Variants in PATJ observed in about 807,000 individuals in gnomAD.
PATJ encodes the protein PATJ crumbs cell polarity complex component.
A neutral mutation model predicts 224.9 loss-of-function variants in PATJ; 190 were observed. That is an observed-to-expected ratio of 0.84 (90% CI 0.75 to 0.95). The LOEUF (loss-of-function observed/expected upper bound fraction) is 0.95. Among genes scored for constraint, PATJ ranks in the 40% least tolerant of loss-of-function variants. The pLI is 0.00. For missense variants in PATJ, 2,121 were observed against 2,270.3 expected (o/e 0.93, Z 1.34); for synonymous variants, 769 against 820.3 (o/e 0.94, Z 1.07).
intron 9 of PATJ, among the ~76,000 whole-genome samples, chr1:61,792,570 G>A (rs949688587): frequency 6.6e-6 from 1 of 150,636 alleles, no homozygotes; most frequent in Non-Finnish European, 1.5e-5. Flanking sequence ...TCGCTCTGTC[G>A]CCCAGGCTGG....
At chr1:61,909,583 C>T (rs1233600663) in intron 25 of PATJ, among the ~76,000 whole-genome samples, 4 of 152,034 alleles carry the variant, frequency 2.6e-5, no homozygotes, top group Admixed American at 6.5e-5. Flanking sequence ...AGCAATCTTA[C>T]TGCCTTAGCC....
intron 3 of PATJ, among the ~76,000 whole-genome samples, chr1:61,764,648 A>G (rs188371107): frequency 8.3e-4 from 127 of 152,288 alleles, no homozygotes; most frequent in Non-Finnish European, 1.4e-3. Flanking sequence ...TTGGGAAAAA[A>G]TGGTTTTTGC....
chr1:61,994,473 A>G (rs1488226255), intron 28 of PATJ, among the ~76,000 whole-genome samples: 1 of 152,110 alleles, frequency 6.6e-6, no homozygotes, highest in African/African-American at 2.4e-5. Flanking sequence ...TCTGTCCCAT[A>G]GGGAAGTCAT....
At chr1:62,017,673 AGTG>A (rs1646850977) in intron 28 of PATJ, among the ~76,000 whole-genome samples, 180 bp from the exon 29 acceptor site, 1 of 149,274 alleles carries the variant, frequency 6.7e-6, no homozygotes, top group African/African-American at 2.5e-5. Context: ...CGGAGGTTGC[AGTG>A]AGCCAAGATT....
chr1:62,126,978 T>C (rs1312864761), intron 39 of PATJ, among the ~76,000 whole-genome samples: 2 of 151,978 alleles, frequency 1.3e-5, no homozygotes, highest in Admixed American at 6.6e-5. Context: ...ATTTTATACA[T>C]AGAGATGGAG....
rs573467743 is a variant in PATJ at position 62,142,455 on chromosome 1, A to C, written c.5272-5829A>C. On this transcript the variant is annotated intron_variant, in intron 41 of 43. Coordinates refer to ENST00000642238, the MANE Select transcript of PATJ (RefSeq NM_001350145.3). ...AAATTGAGTCCCAAAAAGCAACCAC[A>C]GAAAATTGAGTCCCATAATCCCTAT... Among the ~76,000 whole-genome samples, 3 of 152,178 alleles carry C rather than the reference A, an allele frequency of 2.0e-5. No homozygotes were observed. The East Asian group carries it at 5.8e-4, about 29-fold the overall frequency.
chr1:61,763,408 GGTA>G (rs1557598901), intron 3 of PATJ, among the ~76,000 whole-genome samples: 1 of 151,636 alleles, frequency 6.6e-6, no homozygotes, highest in Non-Finnish European at 1.5e-5. Context: ...GGCATGTACC[GGTA>G]GTCCCAGCAA....
chr1:61,937,649 T>C (rs1677086374), intron 27 of PATJ, among the ~76,000 whole-genome samples: 1 of 81,052 alleles, frequency 1.2e-5, no homozygotes, highest in Non-Finnish European at 2.8e-5. Context: ...ACTTTCTTCT[T>C]CTTTTTTTTT....
At chr1:61,960,550 C>G (rs948442431) in intron 27 of PATJ, among the ~76,000 whole-genome samples, 6 of 151,752 alleles carry the variant, frequency 4.0e-5, no homozygotes, top group Non-Finnish European at 7.4e-5. Context: ...GTAATCCCAG[C>G]TACTTGGGAG....
intron 31 of PATJ, among the ~76,000 whole-genome samples, chr1:62,063,265 C>T (rs948630262): frequency 6.6e-6 from 1 of 152,152 alleles, no homozygotes; most frequent in Non-Finnish European, 1.5e-5. Context: ...CATGTGGAAC[C>T]TTTCCACATT....
At chr1:61,877,137 G>C (rs1467406231) in intron 21 of PATJ, among the ~76,000 whole-genome samples, 2 of 152,104 alleles carry the variant, frequency 1.3e-5, no homozygotes, top group Admixed American at 6.6e-5. Context: ...TACACACTAA[G>C]CTTCAGGAGG....
intron 17 of PATJ, among the ~76,000 whole-genome samples, chr1:61,846,362 T>G (rs975881611): frequency 6.6e-6 from 1 of 152,172 alleles, no homozygotes; most frequent in Non-Finnish European, 1.5e-5. Context: ...AAAATTAAAT[T>G]CCAAAATCAG....
At chr1:61,812,759 G>A (rs140224089) in intron 14 of PATJ, among the ~76,000 whole-genome samples, 12 of 151,982 alleles carry the variant, frequency 7.9e-5, no homozygotes, top group African/African-American at 2.7e-4. Context: ...TGAAGCAGGA[G>A]AATTGCTTGA....
At position 62,161,027 on chromosome 1, in the gene PATJ, G is replaced by A. The variant is rs552165666; in HGVS notation, c.5622G>A (p.Gly1874=). The change falls in exon 44 of 44, where the codon GGG becomes GGA. Residue 1874 remains glycine, a synonymous_variant. Coordinates refer to ENST00000642238, the MANE Select transcript of PATJ (RefSeq NM_001350145.3). ...QAVAILKHQR[G]TVTLTVLS ...TCGCCATTCTAAAACACCAGAGAGG[G>A]ACTGTAACCTTAACTGTGCTGTCAT... is the stretch of plus-strand genomic sequence containing the variant. The A allele has an allele frequency of 9.0e-4, 1,440 of 1,592,926 alleles. 1 individual carries two copies. Among genetic ancestry groups the A allele is most frequent in the Non-Finnish European group, 1.1e-3 (1,345 of 1,170,176 alleles).
At chr1:62,149,360 G>A (rs1052049520) in intron 42 of PATJ, among the ~76,000 whole-genome samples, 1 of 152,094 alleles carries the variant, frequency 6.6e-6, no homozygotes, top group African/African-American at 2.4e-5. Context: ...ACTAGTAGGT[G>A]CTCAATAAAT....
At chr1:62,132,334 C>G (rs1200397481) in intron 41 of PATJ, among the ~76,000 whole-genome samples, 3 of 152,122 alleles carry the variant, frequency 2.0e-5, no homozygotes, top group Non-Finnish European at 2.9e-5. Flanking sequence ...CTTGTCTCTA[C>G]TAAAAATACA....
intron 43 of PATJ, among the ~76,000 whole-genome samples, chr1:62,153,905 CTTTAT>C (rs986728048): frequency 3.3e-5 from 5 of 152,098 alleles, no homozygotes; most frequent in South Asian, 2.1e-4. Context: ...TCAGTGCATT[CTTTAT>C]TTTATTTTTT....
intron 31 of PATJ, among the ~76,000 whole-genome samples, chr1:62,074,242 G>A (rs140080128): frequency 0.031 from 4,683 of 150,106 alleles, 203 homozygotes; most frequent in African/African-American, 0.089. Context: ...AGCATTAGGA[G>A]ATATACCTAA....
intron 21 of PATJ, among the ~76,000 whole-genome samples, chr1:61,882,072 T>C (rs1668177836): frequency 6.6e-6 from 1 of 152,204 alleles, no homozygotes. Context: ...ATAAGAGTGC[T>C]GCTCTGGGGG....
Sources: allele counts gnomAD v4.1 joint callset (sites outside exome capture counted in the v4.1 genomes callset), GRCh38; gene constraint gnomAD v4.1.1; transcripts MANE v1.5; gene names NCBI Gene and HGNC (gene_info 2026-07-23, HGNC 2026-07-21).